GFPT2: variants seen among roughly 807,000 people sequenced by gnomAD.
GFPT2 encodes glutamine--fructose-6-phosphate transaminase 2.
Under a neutral mutation model 85.6 loss-of-function variants are expected in GFPT2, and 62 were observed. The ratio of observed to expected loss-of-function variants is 0.72; its 90% CI spans 0.59 to 0.90. The LOEUF is 0.90. Ranked by LOEUF, GFPT2 falls within the 40% of genes least tolerant of loss-of-function variation. The pLI is 0.00. For missense variants in GFPT2, 788 were observed against 893.4 expected (o/e 0.88, Z 1.50); for synonymous variants, 368 against 344.5 (o/e 1.07, Z -0.75).
Position 180,310,228 on chromosome 5 carries a change from A to T in GFPT2, c.1546+2202T>A, listed in dbSNP as rs542533506. 1.0e-4 allele frequency among the ~76,000 whole-genome samples: 15 copies of T among 148,688 alleles called. 1 individual carries two copies. The South Asian group carries it at 3.2e-3, about 32-fold the overall frequency. ...AGCAATTCTCCTGCCTCAGCCTCCCAAGTAGCTGGGATTACAGGCACCCAC... is the reference window on the plus strand; with the variant it reads ...AGCAATTCTCCTGCCTCAGCCTCCCTAGTAGCTGGGATTACAGGCACCCAC... On this transcript the variant is annotated intron_variant, in intron 15 of 18. Coordinates refer to ENST00000253778, the MANE Select transcript of GFPT2 (RefSeq NM_005110.4).
intron 9 of GFPT2, among the ~76,000 whole-genome samples, 169 bp from the exon 10 acceptor site, chr5:180,319,125 C>A (rs1044446823): frequency 1.6e-4 from 25 of 152,346 alleles, no homozygotes; most frequent in African/African-American, 6.0e-4. Context: ...TTCTTCTCCA[C>A]TCTTCCCTCC....
At chr5:180,337,989 G>A (rs1488771793) in intron 2 of GFPT2, among the ~76,000 whole-genome samples, 1 of 152,114 alleles carries the variant, frequency 6.6e-6, no homozygotes, top group Non-Finnish European at 1.5e-5. Context: ...AAAATTAGCC[G>A]GGTGTGGTGG....
rs182044311 is a variant in GFPT2, at chr5:180,328,779, C to T, written c.535-441G>A. On this transcript the variant is annotated intron_variant, in intron 6 of 18. Transcript: ENST00000253778. The surrounding 1 kb of genome is among the most constrained non-coding windows in gnomAD (Gnocchi z 5.4). The stretch of plus-strand genomic sequence containing the variant: ...CCTGGCTCCACCCCTGCACTGGGCT[C>T]TCCCTTTAGCCTTCTTGGCGCCTCG... Among the ~76,000 whole-genome samples the T allele has an allele frequency of 6.6e-6, 1 of 152,338 alleles. No homozygotes were observed. Among genetic ancestry groups the T allele is most frequent in the Non-Finnish European group, 1.5e-5 (1 of 68,034 alleles).
chr5:180,331,610 A>G (rs1283671895), intron 4 of GFPT2, 57 bp from the exon 5 acceptor site: 4 of 999,798 alleles, frequency 4.0e-6, no homozygotes, highest in African/African-American at 1.6e-5. Context: ...GTCAGATGTG[A>G]AGAGAGATGA....
At chr5:180,312,389 A>C (rs1026887976) in intron 15 of GFPT2, 41 bp downstream of exon 15, 1 of 1,004,584 alleles carries the variant, frequency 1.0e-6, no homozygotes, top group Non-Finnish European at 1.6e-6. Context: ...GCAACAGTCC[A>C]CTAGATCTGA....
chr5:180,333,814 G>C (rs1313288431), intron 4 of GFPT2, among the ~76,000 whole-genome samples: 2 of 152,198 alleles, frequency 1.3e-5, no homozygotes, highest in Non-Finnish European at 2.9e-5. Context: ...GAGTGTCCAA[G>C]TTTGGGTGTG....
intron 16 of GFPT2, among the ~76,000 whole-genome samples, chr5:180,305,587 G>A (rs892114284): frequency 3.3e-5 from 5 of 152,188 alleles, no homozygotes; most frequent in African/African-American, 9.6e-5. Context: ...GTCTGGAGGC[G>A]CAGACAGCTG....
In GFPT2 at chr5:180,324,169, G is replaced by C. The variant is rs1764169251; in HGVS notation, c.794+19C>G. ...TGATTATGTAATCCCAGGAAGCGAA[G>C]AGAAGAAGGCTCAGTTACCTTGCAT... On this transcript the variant is annotated intron_variant, in intron 9 of 18. Coordinates refer to ENST00000253778, the MANE Select transcript of GFPT2 (RefSeq NM_005110.4). 7.6e-7 allele frequency: 1 copy of C among 1,316,592 alleles called. No individual in the cohort carries two copies. Among genetic ancestry groups the C allele is most frequent in the Non-Finnish European group, 1.1e-6 (1 of 914,324 alleles). The allele number at this position is 1,316,592 out of a possible 1,614,324, so 81.6% of individuals were successfully genotyped here. A position where few individuals can be genotyped will look rare whatever the true frequency, so the allele number is the denominator to read the frequency against.
In GFPT2 at chr5:180,302,589, A is replaced by T. The variant is rs746726741; in HGVS notation, c.1843-5T>A. ...GCACAGTATAATGGGGCGACCCTAG[A>T]GCAGAGAAATAGCATCATAAAATAG... On this transcript the variant is annotated splice_polypyrimidine_tract_variant and splice_region_variant and intron_variant, in intron 17 of 18. Transcript: ENST00000253778. 6 of 1,607,726 alleles carry T rather than the reference A, an allele frequency of 3.7e-6. No homozygotes were observed. In the East Asian group the frequency reaches 1.3e-4, roughly 36 times the overall value.
chr5:180,340,511 G>GTT (rs779151812), intron 1 of GFPT2, among the ~76,000 whole-genome samples: 2,009 of 113,348 alleles, frequency 0.018, 101 homozygotes, highest in Admixed American at 0.079. Flanking sequence ...TGGCCTGCAG[G>GTT]TTTTTTTTTT....
chr5:180,312,257 C>T (rs575953998), intron 15 of GFPT2, among the ~76,000 whole-genome samples, 173 bp downstream of exon 15: 4 of 151,656 alleles, frequency 2.6e-5, no homozygotes, highest in African/African-American at 7.3e-5. Context: ...AGGTGGGGGC[C>T]GAGCAGGATG....
intron 1 of GFPT2, among the ~76,000 whole-genome samples, chr5:180,340,504 C>G (rs574665265): frequency 1.8e-4 from 26 of 143,034 alleles, no homozygotes; most frequent in African/African-American, 6.7e-4. Flanking sequence ...CCCTGCCTGG[C>G]CTGCAGGTTT....
intron 13 of GFPT2, among the ~76,000 whole-genome samples, chr5:180,314,579 T>C (rs926046056): frequency 6.6e-6 from 1 of 152,246 alleles, no homozygotes; most frequent in African/African-American, 2.4e-5. Flanking sequence ...ATCAAAACTG[T>C]TGAAATCCTC....
chr5:180,326,218 G>A (rs62404933), intron 7 of GFPT2, among the ~76,000 whole-genome samples: 1 of 152,020 alleles, frequency 6.6e-6, no homozygotes, highest in African/African-American at 2.4e-5. Context: ...AACCAGGCAG[G>A]TAAAAGTGCA....
At chr5:180,314,956 G>A (rs897200474) in intron 13 of GFPT2, among the ~76,000 whole-genome samples, 1 of 152,148 alleles carries the variant, frequency 6.6e-6, no homozygotes, top group Non-Finnish European at 1.5e-5. Flanking sequence ...AGGCTCTGGT[G>A]GGATCAGAAA....
At chr5:180,305,018 C>T (rs1202002980) in intron 16 of GFPT2, 79 bp from the exon 17 acceptor site, 1 of 1,003,562 alleles carries the variant, frequency 1.0e-6, no homozygotes, top group African/African-American at 1.6e-5. Flanking sequence ...AGAAGGGGAA[C>T]CAGGGGAAGG....
chr5:180,304,744 C>A, intron 17 of GFPT2, 28 bp downstream of exon 17: 1 of 1,592,876 alleles, frequency 6.3e-7, no homozygotes, highest in African/African-American at 1.3e-5. Flanking sequence ...CAGGAGAGAG[C>A]TGGCCCAGTC....
At chr5:180,333,295 C>T (rs557658423) in intron 4 of GFPT2, among the ~76,000 whole-genome samples, 4 of 151,688 alleles carry the variant, frequency 2.6e-5, no homozygotes, top group East Asian at 1.9e-4. Context: ...AGTGCAGTGG[C>T]GCGAGCTCGG....
rs527995979 is a variant in GFPT2 at position 180,335,845 on chromosome 5, C to T, written c.323G>A (p.Arg108His). The change falls in exon 4 of 19, where the codon CGC (arginine) becomes CAC (histidine). Residue 108 changes from arginine to histidine, a missense_variant. Coordinates refer to ENST00000253778, the MANE Select transcript of GFPT2 (RefSeq NM_005110.4). ...VPSAVNSHPQRSDKGNEFVVI... is the reference protein window; with the variant it reads ...VPSAVNSHPQHSDKGNEFVVI... ...CCACATACCGTTGCCTTTGTCTGAG[C>T]GCTGAGGGTGGCTGTTGACAGCACT... is the stretch of plus-strand genomic sequence containing the variant. 11 of 1,598,988 alleles carry T rather than the reference C, an allele frequency of 6.9e-6. No homozygotes were observed. Among genetic ancestry groups the T allele is most frequent in the South Asian group, 6.8e-5 (6 of 88,776 alleles).
Sources: gnomAD v4.1 joint callset for allele counts (sites outside exome capture counted in the v4.1 genomes callset) on GRCh38, gnomAD v4.1.1 for gene constraint, Gnocchi (gnomAD v3.1) non-coding constraint, MANE v1.5 for transcripts, NCBI Gene and HGNC (gene_info 2026-07-23, HGNC 2026-07-21) for gene names.